DGKB: variants seen among roughly 807,000 people sequenced by gnomAD.
DGKB encodes the protein 90 kDa diacylglycerol kinase.
In DGKB, 67 loss-of-function variants were observed where a neutral mutation model predicts 114.3. The ratio of observed to expected loss-of-function variants is 0.59; its 90% CI spans 0.48 to 0.72. DGKB has a LOEUF of 0.72. DGKB is among the 30% of genes least tolerant of loss of function. DGKB has a pLI of 0.00. For missense variants in DGKB, 907 were observed against 975.2 expected (o/e 0.93, Z 0.93); for synonymous variants, 398 against 323.1 (o/e 1.23, Z -2.49).
At chr7:14,217,693 C>T (rs1317357393) in intron 23 of DGKB, among the ~76,000 whole-genome samples, 1 of 151,992 alleles carries the variant, frequency 6.6e-6, no homozygotes, top group Non-Finnish European at 1.5e-5. Context: ...CATACGTCCA[C>T]ATATAGACCT....
At chr7:14,506,853 G>T (rs1787162443) in intron 20 of DGKB, among the ~76,000 whole-genome samples, 1 of 152,148 alleles carries the variant, frequency 6.6e-6, no homozygotes, top group Non-Finnish European at 1.5e-5. Flanking sequence ...GTTGACCATT[G>T]ATTAGCTCTG....
Position 14,930,196 on chromosome 7 carries a change from G to C in DGKB, c.-188+44500C>G, listed in dbSNP as rs1165521982. ...TGTTCTTTTTGCTCAGGATTGATTT[G>C]GTCTTTTGGGTCTTTTTGGTTCCAT... On this transcript the variant is annotated intron_variant, in intron 1 of 4. Transcript: ENST00000437998. Among the ~76,000 whole-genome samples the C allele has an allele frequency of 4.0e-5, 6 of 151,878 alleles. No individual in the cohort carries two copies. The East Asian group carries it at 1.2e-3, about 29-fold the overall frequency.
At chr7:14,285,484 C>CA (rs898795378) in intron 23 of DGKB, among the ~76,000 whole-genome samples, 3 of 152,024 alleles carry the variant, frequency 2.0e-5, no homozygotes, top group Non-Finnish European at 4.4e-5. Flanking sequence ...TGAGTGAAGA[C>CA]AAAAAAGCCT....
At chr7:14,447,128 C>T (rs574497569) in intron 21 of DGKB, among the ~76,000 whole-genome samples, 2 of 152,236 alleles carry the variant, frequency 1.3e-5, no homozygotes, top group African/African-American at 4.8e-5. Context: ...TGGCCAACCC[C>T]AGGTATGCAC....
At chr7:14,175,493 G>C (rs1353359593) in intron 25 of DGKB, among the ~76,000 whole-genome samples, 8 of 152,058 alleles carry the variant, frequency 5.3e-5, no homozygotes, top group African/African-American at 1.7e-4. Flanking sequence ...CTGGAATATA[G>C]CTTACATTCA....
intron 21 of DGKB, among the ~76,000 whole-genome samples, chr7:14,370,133 AG>A (rs1186362338): frequency 6.6e-6 from 1 of 152,172 alleles, no homozygotes; most frequent in Non-Finnish European, 1.5e-5. Context: ...ATAAGGTGTA[AG>A]GAAGGGGTCC....
intron 16 of DGKB, among the ~76,000 whole-genome samples, chr7:14,611,522 C>T (rs896297727): frequency 1.3e-5 from 2 of 152,038 alleles, no homozygotes; most frequent in African/African-American, 4.8e-5. Flanking sequence ...CTTATGCAGG[C>T]AGAAAAATTA....
At chr7:14,528,286 T>C (rs1304171626) in intron 20 of DGKB, among the ~76,000 whole-genome samples, 1 of 152,098 alleles carries the variant, frequency 6.6e-6, no homozygotes. Flanking sequence ...TGATGCAGAC[T>C]GCAGTGACCT....
At chr7:14,860,368 T>C (rs982281938) in intron 1 of DGKB, among the ~76,000 whole-genome samples, 1 of 152,058 alleles carries the variant, frequency 6.6e-6, no homozygotes, top group Non-Finnish European at 1.5e-5. Context: ...CAAATTTGAA[T>C]TTTGATGACA....
At chr7:14,179,063 C>T (rs1024288177) in intron 23 of DGKB, among the ~76,000 whole-genome samples, 3 of 152,142 alleles carry the variant, frequency 2.0e-5, no homozygotes, top group African/African-American at 7.2e-5. Context: ...ATGCACTATG[C>T]TACATTTGAT....
At chr7:14,909,618 C>T (rs1012279628) in intron 1 of DGKB, among the ~76,000 whole-genome samples, 1 of 152,086 alleles carries the variant, frequency 6.6e-6, no homozygotes, top group African/African-American at 2.4e-5. Flanking sequence ...GCCTTTATCA[C>T]ATGTCAGATT....
At chr7:14,870,511 T>C (rs550665981) in intron 1 of DGKB, among the ~76,000 whole-genome samples, 1 of 152,286 alleles carries the variant, frequency 6.6e-6, no homozygotes, top group Non-Finnish European at 1.5e-5. Flanking sequence ...AATTAACAAA[T>C]AATTGGCCAG....
At chr7:14,622,636 G>A (rs980809083) in intron 14 of DGKB, among the ~76,000 whole-genome samples, 2 of 152,172 alleles carry the variant, frequency 1.3e-5, no homozygotes, top group African/African-American at 4.8e-5. Flanking sequence ...TCATTACATG[G>A]CTTAAACATC....
At chr7:14,298,124 T>C (rs922934908) in intron 23 of DGKB, among the ~76,000 whole-genome samples, 6 of 152,190 alleles carry the variant, frequency 3.9e-5, no homozygotes, top group Admixed American at 3.3e-4. Context: ...AAAATGGCCA[T>C]ACTGCCCAAA....
chr7:14,452,278 G>A (rs1831641300), intron 21 of DGKB, among the ~76,000 whole-genome samples: 1 of 152,040 alleles, frequency 6.6e-6, no homozygotes, highest in African/African-American at 2.4e-5. Flanking sequence ...TAATAATACG[G>A]ATCAATAGGT....
At chr7:14,328,902 A>C (rs750203052) in intron 23 of DGKB, among the ~76,000 whole-genome samples, 4 of 152,160 alleles carry the variant, frequency 2.6e-5, no homozygotes, top group Admixed American at 6.5e-5. Flanking sequence ...AGCAGACATT[A>C]AAATAATAAC....
At chr7:14,173,297 T>C (rs952009766) in intron 25 of DGKB, among the ~76,000 whole-genome samples, 1 of 152,202 alleles carries the variant, frequency 6.6e-6, no homozygotes. Context: ...AAATGTATCT[T>C]ACATTAATTT....
At chr7:14,793,440 T>C (rs1417183104) in intron 2 of DGKB, among the ~76,000 whole-genome samples, 1 of 152,114 alleles carries the variant, frequency 6.6e-6, no homozygotes, top group African/African-American at 2.4e-5. Flanking sequence ...CCTGAAAGGA[T>C]TGAAGATGCT....
intron 1 of DGKB, among the ~76,000 whole-genome samples, chr7:14,853,573 T>C (rs746676381): frequency 3.9e-5 from 6 of 151,966 alleles, no homozygotes. Flanking sequence ...AATTATTCTT[T>C]AAAATTTATC....
Sources: allele counts gnomAD v4.1 joint callset (sites outside exome capture counted in the v4.1 genomes callset), GRCh38; gene constraint gnomAD v4.1.1; transcripts MANE v1.5; gene names NCBI Gene and HGNC (gene_info 2026-07-23, HGNC 2026-07-21).